Variants in ADAM20 observed in about 807,000 individuals in gnomAD.
ADAM20 encodes disintegrin and metalloproteinase domain-containing protein 20.
For synonymous variants in ADAM20, 305 were observed against 310.2 expected, an observed-to-expected ratio of 0.98 and a Z score of 0.18; for missense variants, 871 against 883.2, an observed-to-expected ratio of 0.99 and a Z score of 0.18.
the ADAM20 span, among the ~76,000 whole-genome samples, chr14:70,565,659 C>T: frequency 2.0e-5 from 3 of 152,008 alleles, no homozygotes; most frequent in Admixed American, 2.0e-4. Context: ...ATTCAAGCAA[C>T]TGTATAGCAA....
In ADAM20 at chr14:70,523,218, G is replaced by T; in HGVS notation, c.1540C>A (p.Gln514Lys). 6.2e-7 allele frequency: 1 copy of T among 1,613,944 alleles called. No individual in the cohort carries two copies. Among genetic ancestry groups the T allele is most frequent in the South Asian group, 1.1e-5 (1 of 91,082 alleles). The part of the protein sequence containing the change: ...YEKTCNNHDI[Q>K]CKEIFGQDAR... ...TCTTGGCCAAAAATCTCTTTACATT[G>T]TATATCATGGTTATTACACGTCTTT... is the stretch of plus-strand genomic sequence containing the variant. The change falls in exon 2 of 2, where the codon CAA becomes AAA. Residue 514 changes from glutamine to lysine, a missense_variant. Gln to Lys is a moderately conservative substitution (Grantham distance 53, BLOSUM62 1). Transcript: ENST00000256389.
At chr14:70,555,480 C>T in the ADAM20 span, among the ~76,000 whole-genome samples, 1 of 152,162 alleles carries the variant, frequency 6.6e-6, no homozygotes, top group African/African-American at 2.4e-5. Flanking sequence ...CTATTTACTG[C>T]AGGAATTTGG....
the ADAM20 span, among the ~76,000 whole-genome samples, chr14:70,574,774 GA>G: frequency 6.6e-6 from 1 of 152,064 alleles, no homozygotes; most frequent in Non-Finnish European, 1.5e-5. Context: ...AGAAATAAAT[GA>G]AATAGAGACT....
chr14:70,536,676 C>G (rs1883843149), upstream of ADAM20, among the ~76,000 whole-genome samples: 2 of 152,024 alleles, frequency 1.3e-5, no homozygotes, highest in South Asian at 4.1e-4. Context: ...CTAAGGCCAG[C>G]ATGACCATAA....
the ADAM20 span, among the ~76,000 whole-genome samples, chr14:70,574,632 T>C: frequency 1.3e-5 from 2 of 149,824 alleles, no homozygotes; most frequent in African/African-American, 5.0e-5. Flanking sequence ...AGAGCGAGAC[T>C]CCGTCTCAAA....
chr14:70,543,271 T>C, the ADAM20 span, among the ~76,000 whole-genome samples: 10 of 152,184 alleles, frequency 6.6e-5, no homozygotes, highest in Non-Finnish European at 1.3e-4. Context: ...ATGCTACCCT[T>C]GGGGGAATGC....
chr14:70,532,183 T>C (rs1883726009), intron 1 of ADAM20, among the ~76,000 whole-genome samples: 1 of 151,892 alleles, frequency 6.6e-6, no homozygotes, highest in African/African-American at 2.4e-5. Context: ...CCCAGACATG[T>C]ATGAATAAAT....
chr14:70,559,588 T>C, the ADAM20 span, among the ~76,000 whole-genome samples: 75 of 152,360 alleles, frequency 4.9e-4, no homozygotes, highest in African/African-American at 1.7e-3. Flanking sequence ...TCCCATCTTA[T>C]TCATAGTAAA....
rs758023487 is a variant in ADAM20 at position 70,522,983 on chromosome 14, C to T, written c.1775G>A (p.Trp592Ter). 1 of 1,614,054 alleles carries T rather than the reference C, an allele frequency of 6.2e-7. No individual in the cohort carries two copies. The highest frequency in any genetic ancestry group is 2.2e-5 in the East Asian group (1 of 44,876). ...QQFHLNDTTC[W>*]GTDYHLGMAI... ...CATCCCTAAATGATAATCAGTGCCCCAGCAAGTGGTGTCATTGAGGTGAAA... is the reference window on the plus strand; with the variant it reads ...CATCCCTAAATGATAATCAGTGCCCTAGCAAGTGGTGTCATTGAGGTGAAA... The change falls in exon 2 of 2, where the codon TGG becomes TAG. Residue 592 changes from tryptophan to a stop codon, truncating the protein, a stop_gained. Coordinates refer to ENST00000256389, the MANE Select transcript of ADAM20 (RefSeq NM_003814.5). LOFTEE classifies it low-confidence loss of function (END_TRUNC).
At chr14:70,563,736 G>C in the ADAM20 span, among the ~76,000 whole-genome samples, 1 of 152,038 alleles carries the variant, frequency 6.6e-6, no homozygotes, top group Non-Finnish European at 1.5e-5. Flanking sequence ...TCTTGCTCCT[G>C]CTTTTGCCAT....
the ADAM20 span, among the ~76,000 whole-genome samples, chr14:70,540,267 T>C: frequency 1.3e-5 from 2 of 152,218 alleles, no homozygotes; most frequent in African/African-American, 4.8e-5. Context: ...TATTGGATCT[T>C]CTTCTGGTTG....
chr14:70,564,816 G>A, the ADAM20 span, among the ~76,000 whole-genome samples: 2 of 144,642 alleles, frequency 1.4e-5, no homozygotes, highest in African/African-American at 5.1e-5. Context: ...AGAGGCTGAA[G>A]TGGGAAGACT....
At chr14:70,532,049 G>A (rs752953367) in intron 1 of ADAM20, among the ~76,000 whole-genome samples, 10 of 151,982 alleles carry the variant, frequency 6.6e-5, no homozygotes, top group Non-Finnish European at 1.3e-4. Context: ...AAACAATCTT[G>A]AGAAAGAAGA....
At position 70,524,790 on chromosome 14, in the gene ADAM20, G is replaced by A; in HGVS notation, c.-33C>T. 6.2e-7 allele frequency: 1 copy of A among 1,613,678 alleles called. No individual in the cohort carries two copies. The highest frequency in any genetic ancestry group is 8.5e-7 in the Non-Finnish European group (1 of 1,179,928). ...CTGTCATTATGGAGCCATCTGTCTA[G>A]AGCAGAAGAGAACAAGGTGTGAGGC... On this transcript the variant is annotated 5_prime_UTR_variant, in exon 2 of 2. Coordinates refer to ENST00000256389, the MANE Select transcript of ADAM20 (RefSeq NM_003814.5).
Position 70,523,877 on chromosome 14 carries a change from T to C in ADAM20, c.881A>G (p.Asp294Gly). ...GTCTTTTATGAAAAGATGTGCAACA[T>C]CATGTTGTAGTCGATTATTAAGGTT... ...NYNLNNRLQH[D>G]VAHLFIKDTQ... The change falls in exon 2 of 2, where the codon GAT (aspartate) becomes GGT (glycine). Residue 294 changes from aspartate to glycine, a missense_variant. By Grantham distance (94) the Asp-to-Gly change is moderately conservative (BLOSUM62 -1). Transcript: ENST00000256389. The C allele has an allele frequency of 6.2e-7, 1 of 1,613,992 alleles. No homozygotes were observed. The highest frequency in any genetic ancestry group is 8.5e-7 in the Non-Finnish European group (1 of 1,179,926).
chr14:70,544,424 A>G, the ADAM20 span, among the ~76,000 whole-genome samples: 3 of 152,248 alleles, frequency 2.0e-5, no homozygotes, highest in African/African-American at 7.2e-5. Flanking sequence ...TAGAAAATTT[A>G]TAACTAGTAA....
At chr14:70,578,896 G>A in the ADAM20 span, among the ~76,000 whole-genome samples, 1 of 151,976 alleles carries the variant, frequency 6.6e-6, no homozygotes, top group Admixed American at 6.6e-5. Context: ...GTGTCTATGT[G>A]CACTCAATGT....
chr14:70,571,887 C>A, the ADAM20 span, among the ~76,000 whole-genome samples: 2 of 151,936 alleles, frequency 1.3e-5, no homozygotes, highest in Non-Finnish European at 2.9e-5. Flanking sequence ...TAGAAATAGC[C>A]ACACACAAAA....
chr14:70,529,387 A>C (rs1883660089), intron 1 of ADAM20, among the ~76,000 whole-genome samples: 1 of 152,236 alleles, frequency 6.6e-6, no homozygotes, highest in Non-Finnish European at 1.5e-5. Context: ...AATCTGAAAA[A>C]TTCACAAATA....
Sources: gnomAD v4.1 joint callset for allele counts (sites outside exome capture counted in the v4.1 genomes callset) on GRCh38, gnomAD v4.1.1 for gene constraint, MANE v1.5 for transcripts, NCBI Gene and HGNC (gene_info 2026-07-23, HGNC 2026-07-21) for gene names.